Variants in TTC28 observed in about 807,000 individuals in gnomAD.
TTC28 encodes tetratricopeptide repeat domain 28.
In TTC28, 61 loss-of-function variants were observed where a neutral mutation model predicts 198.0. The ratio of observed to expected loss-of-function variants is 0.31; its 90% confidence interval spans 0.25 to 0.38. TTC28 has a LOEUF of 0.38. Among genes scored for constraint, TTC28 ranks in the 10% least tolerant of loss-of-function variants. TTC28 has a pLI of 1.00. For synonymous variants in TTC28, 1,171 were observed against 1,297.8 expected, an observed-to-expected ratio of 0.90 and a Z score of 2.10; for missense variants, 2,678 against 3,164.0, an observed-to-expected ratio of 0.85 and a Z score of 3.69.
intron 12 of TTC28, among the ~76,000 whole-genome samples, chr22:28,038,897 T>C (rs1939482022): frequency 6.6e-6 from 1 of 152,188 alleles, no homozygotes; most frequent in African/African-American, 2.4e-5. Context: ...GACATTTATG[T>C]AGCCAACAGA....
chr22:28,311,727 C>T (rs906904996), intron 2 of TTC28, among the ~76,000 whole-genome samples: 4 of 152,096 alleles, frequency 2.6e-5, no homozygotes, highest in African/African-American at 9.6e-5. Context: ...TATAGTTATC[C>T]TGTTGTGCTA....
At chr22:28,211,215 C>G (rs1926923357) in intron 5 of TTC28, among the ~76,000 whole-genome samples, 1 of 152,166 alleles carries the variant, frequency 6.6e-6, no homozygotes. Flanking sequence ...TAGGAAGAAA[C>G]TGCATCAACT....
intron 2 of TTC28, among the ~76,000 whole-genome samples, chr22:28,431,579 A>G (rs530103799): frequency 1.3e-5 from 2 of 152,200 alleles, no homozygotes; most frequent in Non-Finnish European, 2.9e-5. Context: ...CCTTTAACTG[A>G]TATCTCTTAC....
chr22:28,364,670 GC>G (rs781026153), intron 2 of TTC28, among the ~76,000 whole-genome samples: 1 of 152,168 alleles, frequency 6.6e-6, no homozygotes, highest in African/African-American at 2.4e-5. Context: ...ACTTTGAGGG[GC>G]TCAAGACTTC....
chr22:28,304,154 G>C (rs924566694), intron 3 of TTC28, among the ~76,000 whole-genome samples: 1 of 152,022 alleles, frequency 6.6e-6, no homozygotes. Flanking sequence ...ACGTGGTGGC[G>C]GGCGCCTGTA....
chr22:28,286,634 C>T (rs902305376), intron 5 of TTC28, among the ~76,000 whole-genome samples: 2 of 152,116 alleles, frequency 1.3e-5, no homozygotes, highest in Admixed American at 6.6e-5. Context: ...CTAATTCATA[C>T]ATTACTTATG....
intron 2 of TTC28, among the ~76,000 whole-genome samples, chr22:28,547,496 T>G (rs2049570370): frequency 1.3e-5 from 2 of 152,150 alleles, no homozygotes; most frequent in Admixed American, 6.6e-5. Flanking sequence ...TGTCTCTCCC[T>G]TATAAAGTAT....
At chr22:28,413,387 T>C (rs1454404438) in intron 2 of TTC28, among the ~76,000 whole-genome samples, 1 of 152,026 alleles carries the variant, frequency 6.6e-6, no homozygotes, top group Non-Finnish European at 1.5e-5. Context: ...GCAGTGAGCC[T>C]AGATTGCGCG....
At chr22:28,334,106 G>T (rs1404339680) in intron 2 of TTC28, among the ~76,000 whole-genome samples, 1 of 150,766 alleles carries the variant, frequency 6.6e-6, no homozygotes, top group African/African-American at 2.4e-5. Flanking sequence ...AAGGTGTTTG[G>T]TTTTTTCTCC....
intron 22 of TTC28, among the ~76,000 whole-genome samples, chr22:27,984,785 G>A (rs141116484): frequency 7.8e-4 from 119 of 152,306 alleles, no homozygotes; most frequent in African/African-American, 2.5e-3. Flanking sequence ...AGCAGACTCC[G>A]TTGGTTCCAC....
chr22:28,114,684 A>T (rs574821226), intron 6 of TTC28, among the ~76,000 whole-genome samples: 2 of 151,378 alleles, frequency 1.3e-5, no homozygotes, highest in South Asian at 2.1e-4. Context: ...GGCTCAAGAG[A>T]TCCTCCTGCC....
At chr22:28,663,349 AG>A (rs113631719) in intron 1 of TTC28, among the ~76,000 whole-genome samples, 20,422 of 151,176 alleles carry the variant, frequency 0.14, 1,603 homozygotes, top group African/African-American at 0.19. Context: ...TGAGCGACAC[AG>A]AAGACGGGTG....
At chr22:28,063,492 A>C (rs1170037949) in intron 12 of TTC28, among the ~76,000 whole-genome samples, 1 of 152,168 alleles carries the variant, frequency 6.6e-6, no homozygotes, top group Non-Finnish European at 1.5e-5. Flanking sequence ...CCTTGTGTTC[A>C]CAAGCTAGGA....
intron 2 of TTC28, among the ~76,000 whole-genome samples, chr22:28,333,327 TGAGGG>T (rs1569265565): frequency 6.6e-6 from 1 of 152,114 alleles, no homozygotes; most frequent in Non-Finnish European, 1.5e-5. Flanking sequence ...CCCCTGAGAA[TGAGGG>T]CCTCTTAATT....
intron 2 of TTC28, among the ~76,000 whole-genome samples, chr22:28,422,303 T>G (rs1436688083): frequency 6.6e-6 from 1 of 152,206 alleles, no homozygotes; most frequent in East Asian, 1.9e-4. Context: ...GGCATATGTA[T>G]GAATGGCTTT....
chr22:28,599,736 G>C (rs2050607211), intron 2 of TTC28, among the ~76,000 whole-genome samples: 1 of 152,194 alleles, frequency 6.6e-6, no homozygotes, highest in Non-Finnish European at 1.5e-5. Context: ...CTTTAAAGCA[G>C]TTATGAGTAT....
At chr22:28,018,277 G>GTGTGTGTGTGTGTGTGTGTGTC (rs1938450719) in intron 13 of TTC28, among the ~76,000 whole-genome samples, 1 of 125,980 alleles carries the variant, frequency 7.9e-6, no homozygotes, top group Non-Finnish European at 1.6e-5. Flanking sequence ...GTGTGTGTGT[G>GTGTGTGTGTGTGTGTGTGTGTC]TATGTGTGTG....
chr22:28,364,953 T>C (rs939429866), intron 2 of TTC28, among the ~76,000 whole-genome samples: 5 of 152,238 alleles, frequency 3.3e-5, no homozygotes, highest in South Asian at 2.1e-4. Flanking sequence ...TTTTAGAAGA[T>C]TGACTCCAAT....
chr22:28,534,066 T>C (rs2049207248), intron 2 of TTC28, among the ~76,000 whole-genome samples: 1 of 152,212 alleles, frequency 6.6e-6, no homozygotes, highest in African/African-American at 2.4e-5. Context: ...AAATGGGATC[T>C]AACTAAAGTA....
Sources: allele counts gnomAD v4.1 joint callset (sites outside exome capture counted in the v4.1 genomes callset), GRCh38; gene constraint gnomAD v4.1.1; transcripts MANE v1.5; gene names NCBI Gene and HGNC (gene_info 2026-07-23, HGNC 2026-07-21).